The following TRPC4 variants were observed in gnomAD, a reference collection of about 807,000 sequenced individuals.
TRPC4 encodes transient receptor potential cation channel subfamily C member 4.
A neutral mutation model predicts 99.4 loss-of-function variants in TRPC4; 49 were observed. That is an observed-to-expected ratio of 0.49 (90% CI 0.39 to 0.63). The LOEUF (loss-of-function observed/expected upper bound fraction) is 0.63, where lower values mean the gene tolerates loss of function less well. TRPC4 is among the 20% of genes least tolerant of loss of function. TRPC4 has a pLI of 0.00. For missense variants in TRPC4, 898 were observed against 1,152.9 expected (o/e 0.78, Z 3.20); for synonymous variants, 454 against 425.9 (o/e 1.07, Z -0.81).
chr13:37,653,566 AATCAC>A (rs1480857493), intron 7 of TRPC4, among the ~76,000 whole-genome samples: 1 of 152,132 alleles, frequency 6.6e-6, no homozygotes, highest in African/African-American at 2.4e-5. Flanking sequence ...GAGTCCTGGG[AATCAC>A]ACCTGTCTCA....
intron 1 of TRPC4, among the ~76,000 whole-genome samples, chr13:37,825,252 T>C (rs905839820): frequency 2.0e-5 from 3 of 151,880 alleles, no homozygotes; most frequent in African/African-American, 7.3e-5. Context: ...TTTTGAAGGG[T>C]TTTTTGTGTC....
At chr13:37,763,053 A>G (rs1170530854) in intron 2 of TRPC4, among the ~76,000 whole-genome samples, 1 of 151,506 alleles carries the variant, frequency 6.6e-6, no homozygotes, top group African/African-American at 2.4e-5. Flanking sequence ...TTTGGCCTTG[A>G]ACAGGATTTT....
intron 2 of TRPC4, among the ~76,000 whole-genome samples, chr13:37,765,160 T>G (rs1371358895): frequency 6.6e-6 from 1 of 151,436 alleles, no homozygotes; most frequent in Non-Finnish European, 1.5e-5. Context: ...TGTGGAGTTT[T>G]ACTATAAAGA....
At chr13:37,867,317 G>A (rs1249546369) in intron 1 of TRPC4, among the ~76,000 whole-genome samples, 1 of 151,656 alleles carries the variant, frequency 6.6e-6, no homozygotes, top group African/African-American at 2.4e-5. Context: ...TATATGCATC[G>A]ATCAGAAAAG....
At chr13:37,757,832 T>C (rs1481647956) in intron 2 of TRPC4, among the ~76,000 whole-genome samples, 2 of 152,024 alleles carry the variant, frequency 1.3e-5, no homozygotes, top group Non-Finnish European at 2.9e-5. Flanking sequence ...TGTGCACTGA[T>C]AGTATTCACC....
chr13:37,639,099 C>A lies in TRPC4; in HGVS notation c.2152G>T (p.Val718Phe). The A allele has an allele frequency of 6.2e-7, 1 of 1,613,656 alleles. No homozygotes were observed. Among genetic ancestry groups the A allele is most frequent in the Non-Finnish European group, 8.5e-7 (1 of 1,179,642 alleles). ...TTAGCATCTCTAATCATTGCAGCAACGTATCGCTTCACCAGGTTCCTCATA... is the reference window on the plus strand; with the variant it reads ...TTAGCATCTCTAATCATTGCAGCAAAGTATCGCTTCACCAGGTTCCTCATA... Reference protein sequence around the residue: ...EVMRNLVKRYVAAMIRDAKTE... With the variant: ...EVMRNLVKRYFAAMIRDAKTE... Residue 718 changes from valine to phenylalanine, a missense_variant, in exon 10 of 11, where the codon GTT (valine) becomes TTT (phenylalanine). Around this residue, in one of 3 missense-constraint regions of TRPC4, gnomAD observed 346 missense variants for 351.4 expected, o/e 0.98. Transcript: ENST00000379705.
At chr13:37,800,119 G>A (rs2139427679) in intron 1 of TRPC4, among the ~76,000 whole-genome samples, 1 of 152,316 alleles carries the variant, frequency 6.6e-6, no homozygotes, top group East Asian at 1.9e-4. Flanking sequence ...TGTTGTTTAA[G>A]TCAAGTGATT....
At chr13:37,697,082 T>G (rs1482019274) in intron 3 of TRPC4, among the ~76,000 whole-genome samples, 1 of 152,152 alleles carries the variant, frequency 6.6e-6, no homozygotes, top group South Asian at 2.1e-4. Context: ...ATCACATGAT[T>G]AATCAGACCC....
intron 2 of TRPC4, among the ~76,000 whole-genome samples, chr13:37,776,403 G>A (rs1956704419): frequency 6.6e-6 from 1 of 151,638 alleles, no homozygotes; most frequent in African/African-American, 2.4e-5. Flanking sequence ...GTATTTTATG[G>A]GGAGAAATGA....
chr13:37,649,755 AAAAAACAAC>A (rs1412624859), intron 8 of TRPC4, among the ~76,000 whole-genome samples: 11 of 130,096 alleles, frequency 8.5e-5, no homozygotes, highest in East Asian at 2.1e-4. Flanking sequence ...AAAAAAAAAA[AAAAAACAAC>A]AACAAAGAAC....
chr13:37,863,892 A>G (rs924272494), intron 1 of TRPC4, among the ~76,000 whole-genome samples: 3 of 151,694 alleles, frequency 2.0e-5, no homozygotes, highest in Non-Finnish European at 3.0e-5. Flanking sequence ...CAAAAAGCAC[A>G]TAGTCAGCAC....
chr13:37,634,652 T>A lies in TRPC4; in HGVS notation c.*2251A>T, dbSNP rs985969098. Reference sequence around the variant, plus strand: ...TTTGAAATTAAATTCTGGTAAAGTATGTAAAATGGTTATGTATAGTGTCCT... The same window carrying A: ...TTTGAAATTAAATTCTGGTAAAGTAAGTAAAATGGTTATGTATAGTGTCCT... On this transcript the variant is annotated 3_prime_UTR_variant, in exon 11 of 11. Transcript: ENST00000379705. 1.3e-5 allele frequency among the ~76,000 whole-genome samples: 2 copies of A among 152,018 alleles called. No homozygotes were observed. Among genetic ancestry groups the A allele is most frequent in the Non-Finnish European group, 2.9e-5 (2 of 67,966 alleles).
At chr13:37,772,929 C>T (rs1344879436) in intron 2 of TRPC4, among the ~76,000 whole-genome samples, 1 of 151,738 alleles carries the variant, frequency 6.6e-6, no homozygotes, top group African/African-American at 2.4e-5. Flanking sequence ...GTTCTCGCCT[C>T]CCCCTTCCCA....
At chr13:37,781,494 T>C (rs1184970753) in intron 2 of TRPC4, among the ~76,000 whole-genome samples, 1 of 152,112 alleles carries the variant, frequency 6.6e-6, no homozygotes, top group African/African-American at 2.4e-5. Context: ...TTCCTGTCTG[T>C]GTTCTGTATC....
intron 1 of TRPC4, among the ~76,000 whole-genome samples, chr13:37,831,482 G>A (rs534364410): frequency 2.6e-5 from 4 of 152,124 alleles, no homozygotes; most frequent in East Asian, 1.9e-4. Context: ...ATGGAGGTTC[G>A]AAAAAACAAA....
intron 1 of TRPC4, among the ~76,000 whole-genome samples, chr13:37,807,475 C>T (rs1434796568): frequency 6.6e-6 from 1 of 151,788 alleles, no homozygotes; most frequent in African/African-American, 2.4e-5. Context: ...AATCAAGAGC[C>T]CCAGCATATT....
chr13:37,829,218 A>G (rs1294212943), intron 1 of TRPC4, among the ~76,000 whole-genome samples: 1 of 152,220 alleles, frequency 6.6e-6, no homozygotes, highest in Non-Finnish European at 1.5e-5. Context: ...TGTCTACCAA[A>G]GGTCTTGTGT....
At chr13:37,644,490 A>G (rs576847783) in intron 8 of TRPC4, among the ~76,000 whole-genome samples, 1 of 152,306 alleles carries the variant, frequency 6.6e-6, no homozygotes, top group Non-Finnish European at 1.5e-5. Flanking sequence ...ATAATAACTT[A>G]GGTAGAATTA....
At chr13:37,784,255 A>T (rs532569934) in intron 1 of TRPC4, among the ~76,000 whole-genome samples, 4 of 152,262 alleles carry the variant, frequency 2.6e-5, no homozygotes, top group African/African-American at 9.6e-5. Context: ...TATTTTCTTC[A>T]TTCTACTGCC....
Sources: allele counts gnomAD v4.1 joint callset (sites outside exome capture counted in the v4.1 genomes callset), GRCh38; gene constraint gnomAD v4.1.1; regional missense constraint gnomAD v4.1.1; transcripts MANE v1.5; gene names NCBI Gene and HGNC (gene_info 2026-07-23, HGNC 2026-07-21).